SEC24A: variants seen among roughly 807,000 people sequenced by gnomAD.
SEC24A encodes SEC24 homolog A, COPII component.
In SEC24A, 93 loss-of-function variants were observed where a neutral mutation model predicts 129.4. That is an observed-to-expected ratio of 0.72 (90% CI 0.61 to 0.85). SEC24A has a LOEUF of 0.85. Ranked by LOEUF, SEC24A falls within the 40% of genes least tolerant of loss-of-function variation. SEC24A has a pLI of 0.00. For synonymous variants in SEC24A, 460 were observed against 467.3 expected (o/e 0.98, Z 0.20); for missense variants, 1,264 against 1,307.4 (o/e 0.97, Z 0.51).
chr5:134,652,995 C>G (rs542965746), intron 1 of SEC24A, among the ~76,000 whole-genome samples: 1 of 150,092 alleles, frequency 6.7e-6, no homozygotes, highest in Admixed American at 6.7e-5. Flanking sequence ...TTAGTAGAGA[C>G]AGCGTTTCAC....
rs376977921 is a variant in SEC24A at position 134,714,624 on chromosome 5, G to A, written c.2728-400G>A. On this transcript the variant is annotated intron_variant, in intron 18 of 22. Transcript: ENST00000398844. The stretch of plus-strand genomic sequence containing the variant: ...CCTGGTACGAAGAAGGACCACTGAC[G>A]TAATGGATATCTTTTTGGTCCTTCA... 6.6e-5 allele frequency among the ~76,000 whole-genome samples: 10 copies of A among 152,318 alleles called. No individual in the cohort carries two copies. In the East Asian group the frequency reaches 7.7e-4, roughly 12 times the overall value.
intron 2 of SEC24A, 40 bp from the exon 3 acceptor site, chr5:134,666,783 G>C (rs1204137693): frequency 6.3e-7 from 1 of 1,586,434 alleles, no homozygotes; most frequent in East Asian, 2.3e-5. Flanking sequence ...CCATAGTCTT[G>C]AGTTCTCAAG....
chr5:134,705,421 G>T lies in SEC24A; in HGVS notation c.2535G>T (p.Gly845=), dbSNP rs1210750999. 1.2e-6 allele frequency: 2 copies of T among 1,609,226 alleles called. No homozygotes were observed. Among genetic ancestry groups the T allele is most frequent in the Admixed American group, 1.7e-5 (1 of 59,762 alleles). The change falls in exon 17 of 23, where the codon GGG becomes GGT. Residue 845 remains glycine (G), a synonymous_variant. Coordinates refer to ENST00000398844, the MANE Select transcript of SEC24A (RefSeq NM_021982.3). ...FLGADVQAIS[G]LLANMAVDRS... ...GAGCTGATGTTCAAGCAATTTCAGG[G>T]TTATTGGCCAATATGGGTAAGAGTT...
At chr5:134,689,726 C>T (rs946563030) in intron 11 of SEC24A, among the ~76,000 whole-genome samples, 20 of 150,762 alleles carry the variant, frequency 1.3e-4, no homozygotes, top group African/African-American at 2.2e-4. Flanking sequence ...ATCGTGCCAC[C>T]GCACTCCAGC....
chr5:134,668,463 C>A (rs1247091787), intron 3 of SEC24A, among the ~76,000 whole-genome samples: 1 of 151,618 alleles, frequency 6.6e-6, no homozygotes, highest in Admixed American at 6.6e-5. Context: ...CGGTGGCTCA[C>A]GCCTATAATC....
At chr5:134,698,219 G>A (rs1210952973) in intron 15 of SEC24A, among the ~76,000 whole-genome samples, 162 bp downstream of exon 15, 3 of 151,838 alleles carry the variant, frequency 2.0e-5, no homozygotes, top group Non-Finnish European at 4.4e-5. Context: ...AAAAAAAGGG[G>A]GCCTATTGAG....
chr5:134,703,879 C>A lies in SEC24A; in HGVS notation c.2387C>A (p.Thr796Asn), dbSNP rs758720103. 1 of 1,611,022 alleles carries A rather than the reference C, an allele frequency of 6.2e-7. No individual in the cohort carries two copies. The highest frequency in any genetic ancestry group is 1.7e-5 in the Admixed American group (1 of 59,966). The change falls in exon 16 of 23, where the codon ACT (threonine) becomes AAT (asparagine). Residue 796 changes from threonine (T) to asparagine (N), a missense_variant. Physicochemically the swap from Thr to Asn is moderately conservative, Grantham distance 65 (BLOSUM62 0). Transcript: ENST00000398844. ...CAGATGTCAGTGGAAGAGAGTCTTA[C>A]TGACACTCAGTTGGTTTCTTTTCAG... The part of the protein sequence containing the change: ...AVQMSVEESL[T>N]DTQLVSFQSA...
intron 1 of SEC24A, chr5:134,649,382 C>T (rs1749971258): frequency 2.3e-6 from 1 of 443,606 alleles, no homozygotes; most frequent in Non-Finnish European, 4.0e-6. Context: ...TTTAGTCGGT[C>T]ACCAAAACAG....
chr5:134,656,567 C>T lies in SEC24A; in HGVS notation c.98-4552C>T, dbSNP rs913516889. ...CACGATATCCGCTCATTGCAACCTC[C>T]GCCTCCCAGGTTCAAGCAATTCTCC... On this transcript the variant is annotated intron_variant, in intron 1 of 22. Coordinates refer to ENST00000398844, the MANE Select transcript of SEC24A (RefSeq NM_021982.3). Among the ~76,000 whole-genome samples, 7 of 152,046 alleles carry T rather than the reference C, an allele frequency of 4.6e-5. No individual in the cohort carries two copies. In the East Asian group the frequency reaches 9.7e-4, roughly 21 times the overall value.
intron 11 of SEC24A, among the ~76,000 whole-genome samples, 170 bp from the exon 12 acceptor site, chr5:134,692,432 A>G (rs1580718294): frequency 1.3e-5 from 2 of 152,244 alleles, no homozygotes; most frequent in East Asian, 3.9e-4. Flanking sequence ...TACCTGTATC[A>G]TTGTGGTGGT....
chr5:134,661,205 A>G lies in SEC24A; in HGVS notation c.184A>G (p.Ile62Val), dbSNP rs761167218. 3.7e-6 allele frequency: 6 copies of G among 1,614,166 alleles called. No individual in the cohort carries two copies. In the African/African-American group the frequency reaches 4.0e-5, roughly 11 times the overall value. Residue 62 changes from isoleucine to valine, a missense_variant, in exon 2 of 23, where the codon ATA becomes GTA. By Grantham distance (29) the Ile-to-Val change is conservative. Coordinates refer to ENST00000398844, the MANE Select transcript of SEC24A (RefSeq NM_021982.3). Reference sequence around the variant, plus strand: ...GCTTCCAGGATCCTACCCTCATCCAATACCAGCAAAGACTTTGAATCCAGT... The same window carrying G: ...GCTTCCAGGATCCTACCCTCATCCAGTACCAGCAAAGACTTTGAATCCAGT... The part of the protein sequence containing the change: ...FQLPGSYPHP[I>V]PAKTLNPVSG...
chr5:134,676,029 T>G lies in SEC24A; in HGVS notation c.1158T>G (p.Phe386Leu). 1 of 1,600,268 alleles carries G rather than the reference T, an allele frequency of 6.2e-7. No individual in the cohort carries two copies. Among genetic ancestry groups the G allele is most frequent in the Non-Finnish European group, 8.5e-7 (1 of 1,175,640 alleles). The change falls in exon 7 of 23, where the codon TTT (phenylalanine) becomes TTG (leucine). Residue 386 changes from phenylalanine (F) to leucine (L), a missense_variant. Transcript: ENST00000398844. The stretch of plus-strand genomic sequence containing the variant: ...ACTTTTTACTTTGATATAGGTTATT[T>G]CGATGCACGCTGACTAGCATTCCTC... The part of the protein sequence containing the change: ...IQKLNCNPEL[F>L]RCTLTSIPQT...
intron 1 of SEC24A, 84 bp downstream of exon 1, chr5:134,649,257 A>C (rs1443057937): frequency 1.8e-5 from 18 of 1,006,070 alleles, no homozygotes; most frequent in Non-Finnish European, 2.2e-5. Context: ...CGACATAGAT[A>C]GAGAGAGTGA....
chr5:134,709,085 G>A (rs999197890), intron 18 of SEC24A, among the ~76,000 whole-genome samples, 197 bp downstream of exon 18: 4 of 152,062 alleles, frequency 2.6e-5, no homozygotes, highest in African/African-American at 9.7e-5. Flanking sequence ...GTGCACACCT[G>A]TAGTCAGTCC....
chr5:134,717,453 G>A (rs1752509058), intron 19 of SEC24A, among the ~76,000 whole-genome samples: 1 of 151,922 alleles, frequency 6.6e-6, no homozygotes, highest in African/African-American at 2.4e-5. Context: ...GTTGCGGTGA[G>A]CCAAGATGGT....
intron 17 of SEC24A, among the ~76,000 whole-genome samples, chr5:134,707,132 C>T (rs1241212447): frequency 1.3e-5 from 2 of 152,292 alleles, no homozygotes; most frequent in East Asian, 3.9e-4. Flanking sequence ...TCACCACACC[C>T]GGCCTCAGTA....
chr5:134,692,205 C>T (rs1751681381), intron 11 of SEC24A, among the ~76,000 whole-genome samples: 1 of 151,868 alleles, frequency 6.6e-6, no homozygotes, highest in Admixed American at 6.6e-5. Flanking sequence ...TACCACCATG[C>T]CTGGCTCATT....
At chr5:134,698,118 TG>T (rs1751885305) in intron 15 of SEC24A, 61 bp downstream of exon 15, 2 of 1,340,010 alleles carry the variant, frequency 1.5e-6, no homozygotes. Flanking sequence ...TAAATGTACA[TG>T]TTTTTATCTG....
intron 18 of SEC24A, among the ~76,000 whole-genome samples, 167 bp from the exon 19 acceptor site, chr5:134,714,857 C>T (rs1259572080): frequency 6.6e-6 from 1 of 152,146 alleles, no homozygotes; most frequent in Non-Finnish European, 1.5e-5. Context: ...GCTATAGCTA[C>T]AGTTTAATAG....
Sources: gnomAD v4.1 joint callset for allele counts (sites outside exome capture counted in the v4.1 genomes callset) on GRCh38, gnomAD v4.1.1 for gene constraint, MANE v1.5 for transcripts, NCBI Gene and HGNC (gene_info 2026-07-23, HGNC 2026-07-21) for gene names.